ECT2L: variants seen among roughly 807,000 people sequenced by gnomAD.
ECT2L encodes epithelial cell-transforming sequence 2 oncogene-like.
A neutral mutation model predicts 122.8 loss-of-function variants in ECT2L; 126 were observed. That is an observed-to-expected ratio of 1.03 (90% CI 0.89 to 1.19). ECT2L has a LOEUF of 1.19. Among genes scored for constraint, ECT2L ranks in the 50% most tolerant of loss-of-function variants. The pLI is 0.00. For missense variants in ECT2L, 1,012 were observed against 1,064.1 expected (o/e 0.95, Z 0.68); for synonymous variants, 385 against 381.8 (o/e 1.01, Z -0.10).
chr6:138,828,204 G>T (rs927298985), intron 4 of ECT2L, among the ~76,000 whole-genome samples: 3 of 151,990 alleles, frequency 2.0e-5, no homozygotes, highest in Non-Finnish European at 4.4e-5. Flanking sequence ...ATTATCAAAT[G>T]TTTAGTCAGT....
rs372946686 is a variant in ECT2L at position 138,882,744 on chromosome 6, G to A, written c.1901G>A (p.Arg634Lys). ...SLNRQFLDNL[R>K]DRLQEWGPAH... is the part of the protein sequence containing the mutation. Reference sequence around the variant, plus strand: ...CACAGGCAGTTTCTAGATAACCTGAGAGACAGACTGCAGGAATGGGGCCCA... The same window carrying A: ...CACAGGCAGTTTCTAGATAACCTGAAAGACAGACTGCAGGAATGGGGCCCA... Residue 634 changes from arginine to lysine, a missense_variant, in exon 16 of 22, where the codon AGA becomes AAA. Coordinates refer to ENST00000541398, the MANE Select transcript of ECT2L (RefSeq NM_001077706.3). 1.3e-5 allele frequency: 21 copies of A among 1,614,020 alleles called. No homozygotes were observed. Among genetic ancestry groups the A allele is most frequent in the Non-Finnish European group, 1.8e-5 (21 of 1,180,018 alleles).
chr6:138,830,698 T>C (rs1353108535), intron 4 of ECT2L, among the ~76,000 whole-genome samples: 1 of 152,168 alleles, frequency 6.6e-6, no homozygotes, highest in African/African-American at 2.4e-5. Context: ...GTGGATGCCA[T>C]GACAGAAGAT....
At chr6:138,858,697 CTTTTTTTTTTTTTTT>C (rs35946003) in intron 10 of ECT2L, among the ~76,000 whole-genome samples, 2 of 59,324 alleles carry the variant, frequency 3.4e-5, no homozygotes, top group Non-Finnish European at 5.8e-5. Flanking sequence ...TAGAATTTTC[CTTTTTTTTTTTTTTT>C]TTTTTTTTTT....
At chr6:138,816,805 T>C (rs1317032292) in intron 4 of ECT2L, among the ~76,000 whole-genome samples, 1 of 152,208 alleles carries the variant, frequency 6.6e-6, no homozygotes, top group Admixed American at 6.5e-5. Context: ...TATTGAGATA[T>C]AATTCACATA....
chr6:138,901,151 T>A, intron 21 of ECT2L, 31 bp downstream of exon 21: 2 of 1,603,098 alleles, frequency 1.2e-6, no homozygotes, highest in African/African-American at 2.7e-5. Context: ...AAGAGACAGA[T>A]ACCTTCAAAA....
At chr6:138,889,139 T>C in intron 20 of ECT2L, 108 bp downstream of exon 20, 1 of 457,046 alleles carries the variant, frequency 2.2e-6, no homozygotes. Context: ...ACAGTAGGTT[T>C]GAAATGAATC....
intron 4 of ECT2L, among the ~76,000 whole-genome samples, chr6:138,817,211 A>T (rs992798390): frequency 6.6e-6 from 1 of 152,178 alleles, no homozygotes; most frequent in South Asian, 2.1e-4. Flanking sequence ...GATTATTGTA[A>T]ATAATTATTA....
chr6:138,901,576 T>C (rs1779397175), intron 21 of ECT2L, among the ~76,000 whole-genome samples: 1 of 152,266 alleles, frequency 6.6e-6, no homozygotes. Context: ...TAGGAGTTGT[T>C]AAATAAAGGA....
chr6:138,849,485 C>G (rs2128393206), intron 9 of ECT2L, 51 bp downstream of exon 9: 2 of 1,528,940 alleles, frequency 1.3e-6, no homozygotes, highest in Non-Finnish European at 1.8e-6. Context: ...GCGCTGTGCA[C>G]TTTGTCCACA....
chr6:138,851,737 A>T (rs1429216388), intron 9 of ECT2L, among the ~76,000 whole-genome samples: 1 of 152,030 alleles, frequency 6.6e-6, no homozygotes, highest in African/African-American at 2.4e-5. Context: ...CAAATATATG[A>T]TTTGCAAATA....
chr6:138,860,091 C>A (rs1777769915), intron 10 of ECT2L, among the ~76,000 whole-genome samples: 1 of 152,148 alleles, frequency 6.6e-6, no homozygotes, highest in African/African-American at 2.4e-5. Flanking sequence ...TCCCAAAGTG[C>A]TGGGATTACA....
chr6:138,864,956 A>C, intron 11 of ECT2L, 40 bp from the exon 12 acceptor site: 1 of 1,574,700 alleles, frequency 6.4e-7, no homozygotes, highest in Non-Finnish European at 8.7e-7. Flanking sequence ...GTTTCATCTG[A>C]GCTCAAGCCT....
chr6:138,834,935 A>ACACACTCTCT (rs5880405), intron 4 of ECT2L, among the ~76,000 whole-genome samples: 6,241 of 142,486 alleles, frequency 0.044, 147 homozygotes, highest in Middle Eastern at 0.057. Context: ...ACACACACAC[A>ACACACTCTCT]CTCTCATTCT....
chr6:138,824,678 G>A (rs549568111), intron 4 of ECT2L, among the ~76,000 whole-genome samples: 5 of 152,060 alleles, frequency 3.3e-5, no homozygotes, highest in Non-Finnish European at 7.4e-5. Flanking sequence ...CATTAAGCAG[G>A]AGTGCTCAGT....
At chr6:138,869,944 T>G (rs1421571109) in intron 13 of ECT2L, among the ~76,000 whole-genome samples, 1 of 152,154 alleles carries the variant, frequency 6.6e-6, no homozygotes, top group African/African-American at 2.4e-5. Flanking sequence ...CTTAACTGGA[T>G]TGTGACAAAT....
intron 14 of ECT2L, among the ~76,000 whole-genome samples, chr6:138,879,941 A>G (rs1410670434): frequency 2.6e-5 from 4 of 151,810 alleles, no homozygotes; most frequent in African/African-American, 9.7e-5. Context: ...AAAGAGAGTA[A>G]GACTCCATAT....
chr6:138,882,771 C>A lies in ECT2L; in HGVS notation c.1928C>A (p.Ala643Asp). ...GACAGACTGCAGGAATGGGGCCCAG[C>A]TCACTGTGTGGGAGAAATAGTCACG... ...LRDRLQEWGP[A>D]HCVGEIVTKF... is the part of the protein sequence containing the mutation. The change falls in exon 16 of 22, where the codon GCT becomes GAT. Residue 643 changes from alanine (A) to aspartate (D), a missense_variant. By Grantham distance (126) the Ala-to-Asp change is moderately radical. Coordinates refer to ENST00000541398, the MANE Select transcript of ECT2L (RefSeq NM_001077706.3). 6.2e-7 allele frequency: 1 copy of A among 1,614,228 alleles called. No homozygotes were observed. Among genetic ancestry groups the A allele is most frequent in the East Asian group, 2.2e-5 (1 of 44,892 alleles).
At chr6:138,852,488 G>A (rs1415334122) in intron 9 of ECT2L, among the ~76,000 whole-genome samples, 1 of 152,038 alleles carries the variant, frequency 6.6e-6, no homozygotes, top group Non-Finnish European at 1.5e-5. Context: ...TGTGGGATGA[G>A]GGGAGAGAAG....
At chr6:138,814,281 C>T (rs9389620) in intron 3 of ECT2L, among the ~76,000 whole-genome samples, 25,507 of 152,208 alleles carry the variant, frequency 0.17, 2,629 homozygotes, top group South Asian at 0.42. Context: ...ATCAACCCAC[C>T]CAACAAGCCT....
Sources: gnomAD v4.1 joint callset for allele counts (sites outside exome capture counted in the v4.1 genomes callset) on GRCh38, gnomAD v4.1.1 for gene constraint, MANE v1.5 for transcripts, NCBI Gene and HGNC (gene_info 2026-07-23, HGNC 2026-07-21) for gene names.